The following TMED9 variants were observed in gnomAD, a reference collection of about 807,000 sequenced individuals.
The protein encoded by TMED9 is transmembrane emp24 domain-containing protein 9.
Under a neutral mutation model 30.6 loss-of-function variants are expected in TMED9, and 22 were observed. That is an observed-to-expected ratio of 0.72 (90% CI 0.51 to 1.03). TMED9 has a LOEUF of 1.03. Ranked by LOEUF, TMED9 falls within the 50% of genes least tolerant of loss-of-function variation. TMED9 has a pLI of 0.00. For missense variants in TMED9, 251 were observed against 302.1 expected (o/e 0.83, Z 1.25); for synonymous variants, 146 against 122.8 (o/e 1.19, Z -1.25).
At chr5:177,595,131 C>T (rs1479758046) in intron 4 of TMED9, 136 bp from the exon 5 acceptor site, 21 of 901,966 alleles carry the variant, frequency 2.3e-5, no homozygotes, top group Non-Finnish European at 3.4e-5. Context: ...AAGATAGTCC[C>T]CAGGTAGAGT....
Position 177,592,225 on chromosome 5 carries a change from A to C in TMED9, c.11A>C (p.Glu4Ala). 1 of 1,605,150 alleles carries C rather than the reference A, an allele frequency of 6.2e-7. No homozygotes were observed. The highest frequency in any genetic ancestry group is 8.5e-7 in the Non-Finnish European group (1 of 1,176,840). MAV[E>A]LGVLLVRPRP... is the part of the protein sequence containing the mutation. ...GGCAGGTGGAGCAAGATGGCTGTGG[A>C]GCTGGGCGTGCTGCTCGTCCGGCCC... Residue 4 changes from glutamate to alanine, a missense_variant, in exon 1 of 5, where the codon GAG becomes GCG. Glu to Ala is a moderately radical substitution (Grantham distance 107). Transcript: ENST00000332598.
Position 177,592,278 on chromosome 5 carries a change from A to ACTCTACCCTCC in TMED9, c.64_65insCTCTACCCTCC (p.Met22ThrfsTer44). The ACTCTACCCTCC allele has an allele frequency of 1.2e-6, 2 of 1,611,936 alleles. No homozygotes were observed. Among genetic ancestry groups the ACTCTACCCTCC allele is most frequent in the Non-Finnish European group, 1.7e-6 (2 of 1,179,160 alleles). ...GCCCGGAACCGGGCTGGGTAGAGTGATGCGGACCCTCCTGCTGGTGCTGTG... is the reference window on the plus strand; with the variant it reads ...GCCCGGAACCGGGCTGGGTAGAGTGACTCTACCCTCCTGCGGACCCTCCTGCTGGTGCTGTG... On this transcript the variant is annotated frameshift_variant, in exon 1 of 5. Coordinates refer to ENST00000332598, the MANE Select transcript of TMED9 (RefSeq NM_017510.6). LOFTEE classifies it high-confidence loss of function.
In TMED9 at chr5:177,596,302, C is replaced by T. The variant is rs1279155808; in HGVS notation, c.*886C>T. 6.6e-6 allele frequency among the ~76,000 whole-genome samples: 1 copy of T among 152,188 alleles called. No homozygotes were observed. Among genetic ancestry groups the T allele is most frequent in the South Asian group, 2.1e-4 (1 of 4,832 alleles). Reference sequence around the variant, plus strand: ...AGTGGGTTTGTCCAAGATTATACAACAAGTAAATTGGGCTGGGGCTCAAAT... The same window carrying T: ...AGTGGGTTTGTCCAAGATTATACAATAAGTAAATTGGGCTGGGGCTCAAAT... On this transcript the variant is annotated 3_prime_UTR_variant, in exon 5 of 5. Coordinates refer to ENST00000332598, the MANE Select transcript of TMED9 (RefSeq NM_017510.6).
rs200471926 is a variant in TMED9 at position 177,593,817 on chromosome 5, C to G, written c.411+42C>G. On this transcript the variant is annotated intron_variant, in intron 3 of 4. Transcript: ENST00000332598. Reference sequence around the variant, plus strand: ...GAGACTTGCAGGTTTCAGCCTTCATCCTTTGGTGAGGACTGGGGGACTGGT... The same window carrying G: ...GAGACTTGCAGGTTTCAGCCTTCATGCTTTGGTGAGGACTGGGGGACTGGT... The G allele has an allele frequency of 1.7e-4, 267 of 1,611,152 alleles. 3 individuals carry two copies. The African/African-American group carries it at 3.2e-3, about 19-fold the overall frequency.
Position 177,595,375 on chromosome 5 carries a change from C to A in TMED9, c.667C>A (p.Arg223=). The A allele has an allele frequency of 5.0e-6, 8 of 1,612,606 alleles. No homozygotes were observed. The highest frequency in any genetic ancestry group is 5.9e-6 in the Non-Finnish European group (7 of 1,178,946). ...CGTGGCCATCGGTGTCTGGCAGATG[C>A]GGCACCTCAAGAGCTTCTTTGAAGC... is the stretch of plus-strand genomic sequence containing the variant. ...ILVAIGVWQM[R]HLKSFFEAKK... is the part of the protein sequence containing the mutation. The change falls in exon 5 of 5, where the codon CGG becomes AGG. Residue 223 remains arginine, a synonymous_variant. Coordinates refer to ENST00000332598, the MANE Select transcript of TMED9 (RefSeq NM_017510.6).
rs1006326278 is a variant in TMED9, at chr5:177,592,557, C to T, written c.185-18C>T. 5.6e-6 allele frequency: 9 copies of T among 1,606,610 alleles called. No individual in the cohort carries two copies. The highest frequency in any genetic ancestry group is 7.7e-6 in the Non-Finnish European group (9 of 1,175,992). On this transcript the variant is annotated intron_variant, in intron 1 of 4. Transcript: ENST00000332598. ...ACCTCGCGCTCCTCTGACCTGGGCT[C>T]GCCCTGCTTCCCTCAAGGAAACTAC...
In TMED9 at chr5:177,595,443, C is replaced by T. The variant is rs376717230; in HGVS notation, c.*27C>T. 2.9e-5 allele frequency: 46 copies of T among 1,585,022 alleles called. No individual in the cohort carries two copies. In the African/African-American group the frequency reaches 4.8e-4, roughly 17 times the overall value. On this transcript the variant is annotated 3_prime_UTR_variant, in exon 5 of 5. Transcript: ENST00000332598. ...TGTCCCAGGCGTCACAACCCATCCT[C>T]CCAGGCTGGGGGAGAAAGGACCTCC...
At position 177,595,266 on chromosome 5, in the gene TMED9, G is replaced by A; in HGVS notation, c.559-1G>A. 6.3e-7 allele frequency: 1 copy of A among 1,579,628 alleles called. No homozygotes were observed. The highest frequency in any genetic ancestry group is 8.6e-7 in the Non-Finnish European group (1 of 1,156,534). On this transcript the variant is annotated splice_acceptor_variant, in intron 4 of 4. Transcript: ENST00000332598. LOFTEE classifies it high-confidence loss of function. ...CAGGCTCACCTTATATTCCCCTGCAGTGGCGAGAGGAGCGCTTCCGGCAGA... is the reference window on the plus strand; with the variant it reads ...CAGGCTCACCTTATATTCCCCTGCAATGGCGAGAGGAGCGCTTCCGGCAGA...
Position 177,592,203 on chromosome 5 carries a change from A to T in TMED9, c.-12A>T, listed in dbSNP as rs1469861839. 6.3e-7 allele frequency: 1 copy of T among 1,575,010 alleles called. No homozygotes were observed. Among genetic ancestry groups the T allele is most frequent in the Non-Finnish European group, 8.6e-7 (1 of 1,163,748 alleles). ...CGCGGCCGGCTGCGGCTGCGCAGGC[A>T]GGTGGAGCAAGATGGCTGTGGAGCT... On this transcript the variant is annotated 5_prime_UTR_variant, in exon 1 of 5. Transcript: ENST00000332598.
chr5:177,592,660 G>A lies in TMED9; in HGVS notation c.270G>A (p.Lys90=). 6.2e-7 allele frequency: 1 copy of A among 1,611,552 alleles called. No homozygotes were observed. Among genetic ancestry groups the A allele is most frequent in the Non-Finnish European group, 8.5e-7 (1 of 1,178,976 alleles). The change falls in exon 2 of 5, where the codon AAG becomes AAA. Residue 90 remains lysine, a synonymous_variant. Coordinates refer to ENST00000332598, the MANE Select transcript of TMED9 (RefSeq NM_017510.6). ...GGCTTGGCATGTTTGTGGAGGTGAAGGACCCAGAGGACAAGGTGAGCCAAC... is the reference window on the plus strand; with the variant it reads ...GGCTTGGCATGTTTGTGGAGGTGAAAGACCCAGAGGACAAGGTGAGCCAAC... ...TPGLGMFVEV[K]DPEDKVILAR... is the part of the protein sequence containing the mutation.
chr5:177,594,228 A>G lies in TMED9; in HGVS notation c.501A>G (p.Arg167=). 6.2e-7 allele frequency: 1 copy of G among 1,614,242 alleles called. No homozygotes were observed. The highest frequency in any genetic ancestry group is 8.5e-7 in the Non-Finnish European group (1 of 1,180,044). The part of the protein sequence containing the change: ...AKDKLSELQL[R]VRQLVEQVEQ... ...ACAAGTTGAGTGAGTTGCAGCTACG[A>G]GTGCGACAGCTGGTGGAACAAGTGG... is the stretch of plus-strand genomic sequence containing the variant. Residue 167 remains arginine, a synonymous_variant, in exon 4 of 5, where the codon CGA becomes CGG. Transcript: ENST00000332598.
chr5:177,592,383 G>A lies in TMED9; in HGVS notation c.169G>A (p.Glu57Lys). Residue 57 changes from glutamate to lysine, a missense_variant, in exon 1 of 5, where the codon GAG becomes AAG. Coordinates refer to ENST00000332598, the MANE Select transcript of TMED9 (RefSeq NM_017510.6). ...GTGCTTTATTGAGGAGATCCCGGAC[G>A]AGACCATGGTCATAGGTGCGGGGGC... ...KKCFIEEIPD[E>K]TMVIGNYRTQ... is the part of the protein sequence containing the mutation. 1 of 1,601,210 alleles carries A rather than the reference G, an allele frequency of 6.2e-7. No individual in the cohort carries two copies. Among genetic ancestry groups the A allele is most frequent in the Non-Finnish European group, 8.5e-7 (1 of 1,174,004 alleles).
Position 177,595,665 on chromosome 5 carries a change from C to T in TMED9, c.*249C>T, listed in dbSNP as rs995529509. 2 of 247,434 alleles carry T rather than the reference C, an allele frequency of 8.1e-6. No homozygotes were observed. The highest frequency in any genetic ancestry group is 1.5e-5 in the Non-Finnish European group (2 of 133,170). The allele number at this position is 247,434 out of a possible 1,614,324, so 15.3% of individuals were successfully genotyped here. On this transcript the variant is annotated 3_prime_UTR_variant, in exon 5 of 5. Transcript: ENST00000332598. ...GTAATCACCCAAGGGCTGGTAAAGC[C>T]CCTCCTCTTGGCACCTCAGAATCAC... is the stretch of plus-strand genomic sequence containing the variant.
chr5:177,595,304 C>G lies in TMED9; in HGVS notation c.596C>G (p.Thr199Ser). The change falls in exon 5 of 5, where the codon ACC (threonine) becomes AGC (serine). Residue 199 changes from threonine to serine, a missense_variant. Physicochemically the swap from Thr to Ser is moderately conservative, Grantham distance 58. Coordinates refer to ENST00000332598, the MANE Select transcript of TMED9 (RefSeq NM_017510.6). ...EERFRQTSES[T>S]NQRVLWWSIL... ...CGCTTCCGGCAGACCAGTGAGAGCA[C>G]CAACCAGCGGGTGCTGTGGTGGTCC... The G allele has an allele frequency of 6.2e-7, 1 of 1,607,300 alleles. No individual in the cohort carries two copies. Among genetic ancestry groups the G allele is most frequent in the Non-Finnish European group, 8.5e-7 (1 of 1,175,226 alleles).
Position 177,596,670 on chromosome 5 carries a change from G to A in TMED9, c.*1254G>A, listed in dbSNP as rs1171241861. On this transcript the variant is annotated 3_prime_UTR_variant, in exon 5 of 5. Coordinates refer to ENST00000332598, the MANE Select transcript of TMED9 (RefSeq NM_017510.6). ...TGTTGTGAGGAAGCTGGAAAGGAAG[G>A]TTGGATTAGAGAAGCCTCGAGCTCC... is the stretch of plus-strand genomic sequence containing the variant. 6.6e-6 allele frequency among the ~76,000 whole-genome samples: 1 copy of A among 152,208 alleles called. No individual in the cohort carries two copies. Among genetic ancestry groups the A allele is most frequent in the African/African-American group, 2.4e-5 (1 of 41,442 alleles).
chr5:177,594,037 T>A, intron 3 of TMED9, 102 bp from the exon 4 acceptor site: 1 of 1,503,976 alleles, frequency 6.6e-7, no homozygotes, highest in South Asian at 1.2e-5. Flanking sequence ...GTCTGTTGGC[T>A]AAATGAACAG....
At chr5:177,593,601 A>C (rs114424853) in intron 2 of TMED9, 49 bp from the exon 3 acceptor site, 44,596 of 1,610,890 alleles carry the variant, frequency 0.028, 746 homozygotes, top group Non-Finnish European at 0.032. Flanking sequence ...GTTTTCCTCC[A>C]TTCCCATCCC....
At chr5:177,594,313 C>T in intron 4 of TMED9, 28 bp downstream of exon 4, 3 of 1,611,264 alleles carry the variant, frequency 1.9e-6, no homozygotes, top group South Asian at 1.1e-5. Flanking sequence ...GAGCAGTGGG[C>T]TTCTCCCTAG....
intron 4 of TMED9, among the ~76,000 whole-genome samples, chr5:177,594,676 G>T (rs1432541277): frequency 6.6e-6 from 1 of 152,254 alleles, no homozygotes; most frequent in Non-Finnish European, 1.5e-5. Context: ...CCACTGTTCA[G>T]TGTCACCTGG....
Sources: gnomAD v4.1 joint callset for allele counts (sites outside exome capture counted in the v4.1 genomes callset) on GRCh38, gnomAD v4.1.1 for gene constraint, MANE v1.5 for transcripts, NCBI Gene and HGNC (gene_info 2026-07-23, HGNC 2026-07-21) for gene names.